Variants in CLDN10 observed in about 807,000 individuals in gnomAD.
The protein encoded by CLDN10 is claudin 10, also known as claudin-10.
In CLDN10, 15 loss-of-function variants were observed where a neutral mutation model predicts 22.9. That is an observed-to-expected ratio of 0.65 (90% CI 0.44 to 1.01). The LOEUF is 1.01. Among genes scored for constraint, CLDN10 ranks in the 50% least tolerant of loss-of-function variants. CLDN10 has a pLI of 0.00. For missense variants in CLDN10, 247 were observed against 287.8 expected (o/e 0.86, Z 1.03); for synonymous variants, 114 against 111.4 (o/e 1.02, Z -0.15).
intron 1 of CLDN10, among the ~76,000 whole-genome samples, chr13:95,450,404 G>A (rs1488015670): frequency 1.3e-5 from 2 of 152,150 alleles, no homozygotes; most frequent in Admixed American, 6.6e-5. Flanking sequence ...ATCCTGCAGG[G>A]ATTAAGAGCC....
chr13:95,481,780 G>A (rs2042749370), intron 1 of CLDN10, among the ~76,000 whole-genome samples: 1 of 152,182 alleles, frequency 6.6e-6, no homozygotes, highest in African/African-American at 2.4e-5. Context: ...AGCATTTTGG[G>A]AAGCCGAAGT....
At chr13:95,509,766 A>G (rs1486113482) in intron 1 of CLDN10, among the ~76,000 whole-genome samples, 1 of 152,052 alleles carries the variant, frequency 6.6e-6, no homozygotes, top group Non-Finnish European at 1.5e-5. Flanking sequence ...CTTGATGGTC[A>G]TTGGTGGTTT....
chr13:95,482,560 T>C (rs891557028), intron 1 of CLDN10, among the ~76,000 whole-genome samples: 1 of 152,236 alleles, frequency 6.6e-6, no homozygotes, highest in Non-Finnish European at 1.5e-5. Flanking sequence ...CCAATCTTGC[T>C]GATCCAGGGC....
At chr13:95,506,121 C>T (rs1290225031) in intron 1 of CLDN10, among the ~76,000 whole-genome samples, 1 of 152,158 alleles carries the variant, frequency 6.6e-6, no homozygotes, top group African/African-American at 2.4e-5. Context: ...AATGCCCCAC[C>T]TTAGGAATGT....
intron 1 of CLDN10, among the ~76,000 whole-genome samples, chr13:95,495,108 T>C (rs1040003481): frequency 5.3e-5 from 8 of 151,818 alleles, no homozygotes; most frequent in African/African-American, 1.9e-4. Flanking sequence ...CAATCTCAGC[T>C]CACTGCAACC....
At chr13:95,499,055 T>C (rs2042956531) in intron 1 of CLDN10, among the ~76,000 whole-genome samples, 1 of 152,252 alleles carries the variant, frequency 6.6e-6, no homozygotes, top group Non-Finnish European at 1.5e-5. Flanking sequence ...AGTCAGAGCT[T>C]CCTTGCTTTT....
chr13:95,561,992 C>T (rs151075535), intron 3 of CLDN10, among the ~76,000 whole-genome samples: 2 of 150,562 alleles, frequency 1.3e-5, no homozygotes, highest in East Asian at 3.9e-4. Context: ...TGCAGTGGTG[C>T]GATCTCGACT....
intron 1 of CLDN10, among the ~76,000 whole-genome samples, chr13:95,478,070 C>T (rs1367016448): frequency 1.3e-5 from 2 of 152,150 alleles, no homozygotes; most frequent in Admixed American, 1.3e-4. Context: ...CTTTGGGAGG[C>T]TGAGGCTGGC....
intron 1 of CLDN10, among the ~76,000 whole-genome samples, chr13:95,480,558 C>A (rs1305784437): frequency 1.3e-5 from 2 of 152,162 alleles, no homozygotes; most frequent in African/African-American, 4.8e-5. Flanking sequence ...CCACTGGGAG[C>A]CAGCTCCTGT....
chr13:95,520,382 A>G (rs1051214194), intron 1 of CLDN10, among the ~76,000 whole-genome samples: 6 of 151,956 alleles, frequency 3.9e-5, no homozygotes, highest in African/African-American at 9.7e-5. Context: ...TTATTTATTT[A>G]TTTATTTAGA....
At chr13:95,474,920 G>A (rs914927377) in intron 1 of CLDN10, among the ~76,000 whole-genome samples, 5 of 152,148 alleles carry the variant, frequency 3.3e-5, no homozygotes, top group South Asian at 2.1e-4. Context: ...CAGAAGAGGC[G>A]GTGGGTGGAG....
chr13:95,528,632 T>A (rs2043309932), intron 1 of CLDN10: 1 of 152,022 alleles, frequency 6.6e-6, no homozygotes, highest in Non-Finnish European at 1.5e-5. Flanking sequence ...ACAAGTAAGA[T>A]CAAACAGAAA....
chr13:95,482,015 A>C (rs4609701), intron 1 of CLDN10, among the ~76,000 whole-genome samples: 90,221 of 151,956 alleles, frequency 0.59, 28,011 homozygotes, highest in African/African-American at 0.79. Flanking sequence ...TGAGACTCTG[A>C]CTCAAAAAAG....
upstream of CLDN10, chr13:95,552,667 G>T (rs1319611974): frequency 7.7e-6 from 11 of 1,425,978 alleles, no homozygotes; most frequent in East Asian, 3.1e-4. Flanking sequence ...CGGAGGCGGA[G>T]GCGGGAGGCG....
At chr13:95,472,684 A>T (rs59758244) in intron 1 of CLDN10, among the ~76,000 whole-genome samples, 14,317 of 151,520 alleles carry the variant, frequency 0.094, 1,202 homozygotes, top group East Asian at 0.22. Context: ...AAAAAAAAAA[A>T]AATAGAGTGG....
At chr13:95,529,763 A>C (rs553354684) in intron 1 of CLDN10, among the ~76,000 whole-genome samples, 1 of 152,294 alleles carries the variant, frequency 6.6e-6, no homozygotes, top group South Asian at 2.1e-4. Flanking sequence ...GGTTACAGTT[A>C]ATATTCCAGT....
chr13:95,556,229 A>G (rs982883735), intron 1 of CLDN10, among the ~76,000 whole-genome samples: 10 of 151,996 alleles, frequency 6.6e-5, no homozygotes, highest in African/African-American at 2.4e-4. Context: ...TATTTTTAGT[A>G]GAGACAGGGT....
At chr13:95,533,700 G>C (rs1256295617) in intron 1 of CLDN10, 5 of 152,198 alleles carry the variant, frequency 3.3e-5, no homozygotes, top group Admixed American at 2.6e-4. Context: ...GATCTTACCT[G>C]CAGGGGCCAC....
intron 1 of CLDN10, among the ~76,000 whole-genome samples, chr13:95,532,792 C>A (rs534913373): frequency 2.3e-3 from 144 of 61,982 alleles, no homozygotes; most frequent in African/African-American, 3.7e-3. Flanking sequence ...CTCAATTCAG[C>A]AAAAAAAAAA....
Sources: allele counts gnomAD v4.1 joint callset (sites outside exome capture counted in the v4.1 genomes callset), GRCh38; gene constraint gnomAD v4.1.1; transcripts MANE v1.5; gene names NCBI Gene and HGNC (gene_info 2026-07-23, HGNC 2026-07-21).